Variants in LY96 observed in about 807,000 individuals in gnomAD.
LY96 encodes the protein lymphocyte antigen 96, also known as myeloid differentiation protein-2.
LY96 carries 18 observed loss-of-function variants against 18.9 expected under a neutral mutation model. The observed-to-expected ratio is 0.95, with a 90% CI of 0.66 to 1.41. The LOEUF (loss-of-function observed/expected upper bound fraction) is 1.41, where lower values mean the gene tolerates loss of function less well. LY96 is among the 40% of genes most tolerant of loss of function. LY96 has a pLI of 0.00. For missense variants in LY96, 175 were observed against 182.4 expected, an observed-to-expected ratio of 0.96 and a Z score of 0.23; for synonymous variants, 66 against 62.6, an observed-to-expected ratio of 1.06 and a Z score of -0.26.
At chr8:74,063,358 G>A in the LY96 span, among the ~76,000 whole-genome samples, 643 of 152,266 alleles carry the variant, frequency 4.2e-3, 34 homozygotes, top group East Asian at 0.11. Context: ...CTCAAGGAGA[G>A]GAGAATTAGC....
intron 3 of LY96, among the ~76,000 whole-genome samples, chr8:74,018,928 G>T (rs528276715): frequency 1.3e-3 from 202 of 152,270 alleles, no homozygotes; most frequent in African/African-American, 4.2e-3. Flanking sequence ...AAATCAGTGT[G>T]TAGAGGGAAA....
chr8:74,074,811 T>C, the LY96 span, among the ~76,000 whole-genome samples: 1 of 152,228 alleles, frequency 6.6e-6, no homozygotes. Flanking sequence ...CCTCTTGTTA[T>C]TGATTTCTAG....
At chr8:74,010,760 T>G (rs1167401692) in intron 3 of LY96, among the ~76,000 whole-genome samples, 1 of 152,122 alleles carries the variant, frequency 6.6e-6, no homozygotes, top group Non-Finnish European at 1.5e-5. Context: ...ATCTTTATAA[T>G]GAGGGAACTG....
At chr8:74,082,113 C>T in the LY96 span, among the ~76,000 whole-genome samples, 1 of 152,152 alleles carries the variant, frequency 6.6e-6, no homozygotes, top group African/African-American at 2.4e-5. Context: ...TCCTCCTTAT[C>T]CAGTTGTCCA....
At chr8:74,064,639 C>A in the LY96 span, among the ~76,000 whole-genome samples, 2 of 152,158 alleles carry the variant, frequency 1.3e-5, no homozygotes, top group African/African-American at 4.8e-5. Flanking sequence ...AAGCCTTCAC[C>A]AGAAGCAGAT....
chr8:74,000,098 G>A (rs1816232929), intron 1 of LY96, among the ~76,000 whole-genome samples: 1 of 152,100 alleles, frequency 6.6e-6, no homozygotes, highest in Admixed American at 6.5e-5. Context: ...CAAAGTCCTA[G>A]CCTATCTTAA....
chr8:74,041,747 C>T, the LY96 span, among the ~76,000 whole-genome samples: 1 of 152,214 alleles, frequency 6.6e-6, no homozygotes, highest in African/African-American at 2.4e-5. Context: ...GACCGGTTCT[C>T]TGCTCTTGAA....
At chr8:73,993,556 C>A (rs1000821957) in intron 1 of LY96, among the ~76,000 whole-genome samples, 4 of 152,136 alleles carry the variant, frequency 2.6e-5, no homozygotes, top group Admixed American at 6.5e-5. Flanking sequence ...GATTCTCCTG[C>A]CTCAGCCTCC....
At chr8:74,022,072 T>G (rs962228619) in intron 3 of LY96, among the ~76,000 whole-genome samples, 7 of 147,930 alleles carry the variant, frequency 4.7e-5, no homozygotes, top group Non-Finnish European at 1.0e-4. Flanking sequence ...AAGTATAATT[T>G]AAAAAAAAAA....
chr8:74,016,694 C>A (rs745903787), intron 3 of LY96, among the ~76,000 whole-genome samples: 15 of 152,332 alleles, frequency 9.8e-5, no homozygotes, highest in South Asian at 2.1e-4. Flanking sequence ...ATTTGCTGAT[C>A]TGCAATATTT....
At chr8:74,080,257 T>A in the LY96 span, among the ~76,000 whole-genome samples, 93 of 152,158 alleles carry the variant, frequency 6.1e-4, no homozygotes, top group Non-Finnish European at 9.0e-4. Context: ...AATCCTAGCA[T>A]AATGGCCTTT....
intron 3 of LY96, among the ~76,000 whole-genome samples, chr8:74,011,433 G>A (rs945937271): frequency 1.3e-5 from 2 of 152,144 alleles, no homozygotes; most frequent in African/African-American, 2.4e-5. Flanking sequence ...AATAATCAAC[G>A]GAGTGAACAG....
At chr8:74,006,918 C>T (rs1816424001) in intron 2 of LY96, among the ~76,000 whole-genome samples, 1 of 152,126 alleles carries the variant, frequency 6.6e-6, no homozygotes, top group South Asian at 2.1e-4. Context: ...AGGAATTAGG[C>T]TAGAGATTTC....
At position 74,004,989 on chromosome 8, in the gene LY96, C is replaced by T. The variant is rs1816382894; in HGVS notation, c.202+104C>T. 24 of 1,242,882 alleles carry T rather than the reference C, an allele frequency of 1.9e-5. 1 individual carries two copies. The highest frequency in any genetic ancestry group is 2.0e-4 in the Middle Eastern group (1 of 5,086). The allele number at this position is 1,242,882 out of a possible 1,614,324, so 77.0% of individuals were successfully genotyped here. A position where few individuals can be genotyped will look rare whatever the true frequency, so the allele number is the denominator to read the frequency against. On this transcript the variant is annotated intron_variant, in intron 2 of 4. Coordinates refer to ENST00000284818, the MANE Select transcript of LY96 (RefSeq NM_015364.5). ...TACTTGTATTCGTTATCTATTGCTA[C>T]GTAACAAATTACCACGATCTTTGTG...
the LY96 span, among the ~76,000 whole-genome samples, chr8:74,081,050 T>TTC: frequency 9.7e-4 from 107 of 110,002 alleles, 2 homozygotes; most frequent in African/African-American, 2.2e-3. Flanking sequence ...TTCTTTCTTT[T>TTC]TCTTTCTTTC....
the LY96 span, among the ~76,000 whole-genome samples, chr8:74,063,458 A>T: frequency 6.6e-6 from 1 of 152,110 alleles, no homozygotes; most frequent in Non-Finnish European, 1.5e-5. Flanking sequence ...TTTAAAAAAA[A>T]TTTGTCCTGT....
At chr8:74,095,765 G>A in the LY96 span, among the ~76,000 whole-genome samples, 91 of 152,132 alleles carry the variant, frequency 6.0e-4, 1 homozygote, top group East Asian at 4.3e-3. Flanking sequence ...ACCTTAGATC[G>A]CTCCTTTTTC....
chr8:74,042,943 A>C, the LY96 span, among the ~76,000 whole-genome samples: 2 of 151,798 alleles, frequency 1.3e-5, 1 homozygote, highest in African/African-American at 4.8e-5. Context: ...CACCCTGCTA[A>C]TTTTTTGTAT....
intron 1 of LY96, among the ~76,000 whole-genome samples, chr8:73,993,602 C>T (rs1816057534): frequency 6.6e-6 from 1 of 152,024 alleles, no homozygotes; most frequent in Admixed American, 6.6e-5. Flanking sequence ...ACCACCACAC[C>T]CAGCTAATTT....
Sources: allele counts gnomAD v4.1 joint callset (sites outside exome capture counted in the v4.1 genomes callset), GRCh38; gene constraint gnomAD v4.1.1; transcripts MANE v1.5; gene names NCBI Gene and HGNC (gene_info 2026-07-23, HGNC 2026-07-21).